The following HPN variants were observed in gnomAD, a reference collection of about 807,000 sequenced individuals.
HPN encodes the protein hepsin.
HPN carries 13 observed loss-of-function variants against 55.9 expected under a neutral mutation model. The observed-to-expected ratio is 0.23, with a 90% CI of 0.15 to 0.37. The LOEUF (loss-of-function observed/expected upper bound fraction) is 0.37, where lower values mean the gene tolerates loss of function less well. HPN is among the 10% of genes least tolerant of loss of function. The pLI, the probability that HPN is intolerant of heterozygous loss-of-function variation, is 1.00. For synonymous variants in HPN, 225 were observed against 240.3 expected (o/e 0.94, Z 0.59); for missense variants, 451 against 575.8 (o/e 0.78, Z 2.22).
chr19:35,047,055 C>T (rs989751587), intron 2 of HPN, among the ~76,000 whole-genome samples: 4 of 152,206 alleles, frequency 2.6e-5, no homozygotes, highest in Non-Finnish European at 4.4e-5. Flanking sequence ...GTCTCGATCT[C>T]CTGACCTCGT....
At chr19:35,054,902 C>T (rs542845121) in intron 4 of HPN, among the ~76,000 whole-genome samples, 1 of 152,266 alleles carries the variant, frequency 6.6e-6, no homozygotes, top group African/African-American at 2.4e-5. Flanking sequence ...GGGAAGACCC[C>T]TCAGCTGGTG....
rs1568365133 is a variant in HPN, at chr19:35,066,332, C to CGGT, written c.*51_*53dup. ...CAGCCTCCAGGGCCCGAGGTGATCC[C>CGGT]GGTGGTGGGATCCACGCTGGGCCTA... On this transcript the variant is annotated 3_prime_UTR_variant, in exon 13 of 13. Transcript: ENST00000672452. The CGGT allele has an allele frequency of 1.3e-6, 2 of 1,590,416 alleles. No homozygotes were observed. Among genetic ancestry groups the CGGT allele is most frequent in the Admixed American group, 1.8e-5 (1 of 56,714 alleles).
At chr19:35,055,271 C>G (rs2064443386) in intron 4 of HPN, among the ~76,000 whole-genome samples, 1 of 152,008 alleles carries the variant, frequency 6.6e-6, no homozygotes, top group Non-Finnish European at 1.5e-5. Context: ...GTGGTATGCC[C>G]CTGTGGTCCT....
chr19:35,049,861 G>GTT (rs67924531), intron 4 of HPN, among the ~76,000 whole-genome samples: 3 of 124,364 alleles, frequency 2.4e-5, no homozygotes, highest in African/African-American at 3.2e-5. Context: ...ATTTTTGTTT[G>GTT]TTTTTTTTTT....
At position 35,066,321 on chromosome 19, in the gene HPN, C is replaced by T. The variant is rs761919154; in HGVS notation, c.*34C>T. On this transcript the variant is annotated 3_prime_UTR_variant, in exon 13 of 13. Coordinates refer to ENST00000672452, the MANE Select transcript of HPN (RefSeq NM_001384133.1). ...TTCTCGCTGCGCAGCCTCCAGGGCC[C>T]GAGGTGATCCCGGTGGTGGGATCCA... is the stretch of plus-strand genomic sequence containing the variant. 6.7e-5 allele frequency: 107 copies of T among 1,596,308 alleles called. No individual in the cohort carries two copies. The highest frequency in any genetic ancestry group is 7.9e-5 in the Non-Finnish European group (93 of 1,172,662).
At chr19:35,061,675 G>A (rs183658693) in intron 9 of HPN, among the ~76,000 whole-genome samples, 148 of 152,198 alleles carry the variant, frequency 9.7e-4, no homozygotes, top group Non-Finnish European at 1.6e-3. Context: ...AAATGAATGA[G>A]GTACTGATTC....
intron 2 of HPN, 43 bp downstream of exon 2, chr19:35,042,565 G>A (rs371754320): frequency 1.1e-5 from 17 of 1,543,826 alleles, no homozygotes; most frequent in African/African-American, 8.2e-5. Context: ...TCTGCCTGGC[G>A]CCCCGCCCTC....
At chr19:35,044,222 C>T (rs947665023) in intron 2 of HPN, among the ~76,000 whole-genome samples, 3 of 152,128 alleles carry the variant, frequency 2.0e-5, no homozygotes, top group Admixed American at 6.5e-5. Flanking sequence ...GTGGCTGCAG[C>T]GGCTGCTGTT....
At chr19:35,043,840 G>A (rs879102301) in intron 2 of HPN, among the ~76,000 whole-genome samples, 4 of 152,268 alleles carry the variant, frequency 2.6e-5, no homozygotes, top group Admixed American at 2.6e-4. Flanking sequence ...ATGAGCCAGG[G>A]AAGAAAAGCA....
chr19:35,063,695 TGA>T (rs1350457178), intron 9 of HPN, among the ~76,000 whole-genome samples: 3 of 151,490 alleles, frequency 2.0e-5, no homozygotes, highest in African/African-American at 4.9e-5. Flanking sequence ...GTGAAAAGAG[TGA>T]GAGAGTTAAT....
chr19:35,051,033 C>T (rs547129206), intron 4 of HPN, among the ~76,000 whole-genome samples: 1 of 150,610 alleles, frequency 6.6e-6, no homozygotes, highest in East Asian at 2.0e-4. Flanking sequence ...CCTCCCATCT[C>T]AGCCTTCTGA....
chr19:35,059,180 C>T, intron 4 of HPN: 1 of 291,036 alleles, frequency 3.4e-6, no homozygotes. Context: ...TGGCAGAGTG[C>T]CATGGTGCTC....
chr19:35,065,711 G>A, intron 11 of HPN, 30 bp downstream of exon 11: 3 of 1,613,176 alleles, frequency 1.9e-6, no homozygotes, highest in Non-Finnish European at 2.5e-6. Flanking sequence ...CAGCCCCCTG[G>A]TCGCTGCCAC....
intron 2 of HPN, among the ~76,000 whole-genome samples, chr19:35,043,895 C>T (rs146344631): frequency 1.3e-5 from 2 of 152,336 alleles, no homozygotes; most frequent in Non-Finnish European, 2.9e-5. Flanking sequence ...CAAAGAGAAA[C>T]AGACACAAAG....
chr19:35,061,663 A>G (rs2064534519), intron 9 of HPN, among the ~76,000 whole-genome samples: 1 of 152,210 alleles, frequency 6.6e-6, no homozygotes, highest in African/African-American at 2.4e-5. Context: ...ATTGGACCAT[A>G]GAAATGAATG....
intron 9 of HPN, among the ~76,000 whole-genome samples, chr19:35,063,289 G>A (rs1183188282): frequency 6.6e-6 from 1 of 152,250 alleles, no homozygotes; most frequent in Non-Finnish European, 1.5e-5. Context: ...TGGCCCCCAC[G>A]CTGTGGTGAC....
intron 4 of HPN, among the ~76,000 whole-genome samples, chr19:35,052,464 G>A (rs139487131): frequency 1.6e-3 from 234 of 150,892 alleles, no homozygotes; most frequent in African/African-American, 5.3e-3. Flanking sequence ...GGAGGCGCGG[G>A]TTGCAGGTTG....
At chr19:35,063,377 G>C (rs1219259340) in intron 9 of HPN, among the ~76,000 whole-genome samples, 1 of 152,204 alleles carries the variant, frequency 6.6e-6, no homozygotes, top group Non-Finnish European at 1.5e-5. Flanking sequence ...CTGTGGTACT[G>C]GTTTCCCATT....
At chr19:35,050,279 T>C (rs967619120) in intron 4 of HPN, among the ~76,000 whole-genome samples, 6 of 152,204 alleles carry the variant, frequency 3.9e-5, no homozygotes, top group Non-Finnish European at 7.3e-5. Context: ...TGTGCCACCA[T>C]GCCCAGTTAA....
Sources: allele counts gnomAD v4.1 joint callset (sites outside exome capture counted in the v4.1 genomes callset), GRCh38; gene constraint gnomAD v4.1.1; transcripts MANE v1.5; gene names NCBI Gene and HGNC (gene_info 2026-07-23, HGNC 2026-07-21).